The following MBNL1 variants were observed in gnomAD, a reference collection of about 807,000 sequenced individuals.
The protein encoded by MBNL1 is muscleblind-like protein 1.
MBNL1 carries 8 observed loss-of-function variants against 42.2 expected under a neutral mutation model. The observed-to-expected ratio is 0.19, with a 90% CI of 0.11 to 0.34. The LOEUF (loss-of-function observed/expected upper bound fraction) is 0.34. Among genes scored for constraint, MBNL1 ranks in the 10% least tolerant of loss-of-function variants. The pLI is 1.00. For missense variants in MBNL1, 309 were observed against 495.3 expected, an observed-to-expected ratio of 0.62 and a Z score of 3.57; for synonymous variants, 169 against 173.9, an observed-to-expected ratio of 0.97 and a Z score of 0.22.
chr3:152,329,397 G>C (rs2082572338), intron 2 of MBNL1, among the ~76,000 whole-genome samples: 1 of 151,870 alleles, frequency 6.6e-6, no homozygotes. Flanking sequence ...TGAGGCCAAG[G>C]CAGGAGATTT....
intron 2 of MBNL1, among the ~76,000 whole-genome samples, chr3:152,314,731 T>A (rs899840322): frequency 6.6e-6 from 1 of 152,206 alleles, no homozygotes; most frequent in Non-Finnish European, 1.5e-5. Context: ...ACTTTTAACA[T>A]CATTAGAAAT....
intron 4 of MBNL1, among the ~76,000 whole-genome samples, chr3:152,443,527 A>G (rs1425646553): frequency 8.2e-6 from 1 of 122,296 alleles, no homozygotes; most frequent in Non-Finnish European, 1.8e-5. Context: ...TCATTATTTA[A>G]TGTAGGCACA....
At chr3:152,375,429 T>G (rs1350297405) in intron 2 of MBNL1, among the ~76,000 whole-genome samples, 3 of 152,154 alleles carry the variant, frequency 2.0e-5, no homozygotes, top group Non-Finnish European at 2.9e-5. Flanking sequence ...TATAAGGTAC[T>G]TGTAAAAATA....
At chr3:152,272,039 T>TCTCTCTC (rs1559963665) in intron 1 of MBNL1, among the ~76,000 whole-genome samples, 10 of 147,708 alleles carry the variant, frequency 6.8e-5, no homozygotes, top group African/African-American at 2.5e-4. Context: ...CCTGTTTCTT[T>TCTCTCTC]TCTCTCTCTC....
intron 3 of MBNL1, among the ~76,000 whole-genome samples, chr3:152,419,705 G>C (rs1011270011): frequency 1.1e-4 from 17 of 151,786 alleles, no homozygotes; most frequent in African/African-American, 3.6e-4. Context: ...TTGTTTGTTT[G>C]TTTGTTTGTT....
In MBNL1 at chr3:152,377,493, T is replaced by C. The variant is rs182360615; in HGVS notation, c.175-37448T>C. Among the ~76,000 whole-genome samples, 14 of 152,296 alleles carry C rather than the reference T, an allele frequency of 9.2e-5. No homozygotes were observed. The East Asian group carries it at 2.5e-3, about 27-fold the overall frequency. On this transcript the variant is annotated intron_variant, in intron 2 of 9. Transcript: ENST00000324210. The stretch of plus-strand genomic sequence containing the variant: ...TGTATTATCTCTTATTTGGGGACAA[T>C]AAAAGGCCTATTGAATAGAATTTTA...
intron 2 of MBNL1, among the ~76,000 whole-genome samples, chr3:152,393,538 T>C (rs1381278353): frequency 6.6e-6 from 1 of 152,220 alleles, no homozygotes; most frequent in Admixed American, 6.5e-5. Context: ...TGAAATATGA[T>C]TCAGGTCTGA....
chr3:152,264,980 TGTG>T (rs1427006611), upstream of MBNL1: 1 of 152,044 alleles, frequency 6.6e-6, no homozygotes, highest in Non-Finnish European at 1.5e-5. Context: ...ACAAAGAAAT[TGTG>T]TTGTGTATGA....
intron 2 of MBNL1, among the ~76,000 whole-genome samples, chr3:152,387,310 A>G (rs1225043142): frequency 1.3e-5 from 2 of 151,634 alleles, no homozygotes; most frequent in South Asian, 4.2e-4. Flanking sequence ...CACCAAGTAC[A>G]AGACAGTATT....
rs71144111 is a variant in MBNL1 at position 152,311,001 on chromosome 3, C to CTTTTT, written c.174+10655_174+10659dup. Among the ~76,000 whole-genome samples, 36 of 77,532 alleles carry CTTTTT rather than the reference C, an allele frequency of 4.6e-4. 1 individual carries two copies. The highest frequency in any genetic ancestry group is 8.6e-4 in the African/African-American group (16 of 18,510). The allele number at this position is 77,532 out of a possible 152,430, so 50.9% of individuals were successfully genotyped here. ...TTTTCTAATGCACAGAACCATGAGA[C>CTTTTT]TTTTTTTTTTTTTTTTTTTTTTTTT... On this transcript the variant is annotated intron_variant, in intron 2 of 9. Transcript: ENST00000324210.
intron 1 of MBNL1, among the ~76,000 whole-genome samples, chr3:152,290,723 G>C (rs1461934576): frequency 5.3e-5 from 8 of 152,090 alleles, no homozygotes. Flanking sequence ...TGAAAACTAT[G>C]ATTTTGGCCC....
At chr3:152,371,671 G>T (rs2096667012) in intron 2 of MBNL1, among the ~76,000 whole-genome samples, 1 of 152,202 alleles carries the variant, frequency 6.6e-6, no homozygotes, top group Non-Finnish European at 1.5e-5. Context: ...GAAATCCACT[G>T]TTAGTCTGAT....
At chr3:152,288,982 A>G (rs1388539873) in intron 1 of MBNL1, among the ~76,000 whole-genome samples, 2 of 152,182 alleles carry the variant, frequency 1.3e-5, no homozygotes, top group Non-Finnish European at 2.9e-5. Context: ...ATGTTCCCAC[A>G]AGAGAAATTT....
chr3:152,312,779 A>G (rs945671109), intron 2 of MBNL1, among the ~76,000 whole-genome samples: 12 of 152,156 alleles, frequency 7.9e-5, no homozygotes, highest in African/African-American at 2.9e-4. Flanking sequence ...TACATTAGCT[A>G]TAGTGTAACT....
chr3:152,249,432 G>T (rs1420008899), intron 2 of MBNL1, among the ~76,000 whole-genome samples: 1 of 114,248 alleles, frequency 8.8e-6, no homozygotes, highest in Admixed American at 9.4e-5. Context: ...AGAAGTGTCT[G>T]TTCATATCCT....
At chr3:152,273,259 CAT>C (rs2042965622) in intron 1 of MBNL1, among the ~76,000 whole-genome samples, 1 of 152,148 alleles carries the variant, frequency 6.6e-6, no homozygotes, top group Non-Finnish European at 1.5e-5. Context: ...TGTCTCTAGA[CAT>C]ATTTTTTATT....
At chr3:152,363,617 A>G (rs2096153014) in intron 2 of MBNL1, among the ~76,000 whole-genome samples, 1 of 152,206 alleles carries the variant, frequency 6.6e-6, no homozygotes, top group South Asian at 2.1e-4. Context: ...TGCTGAGCGT[A>G]TGCCAGGCAT....
chr3:152,364,122 G>A (rs746334139), intron 2 of MBNL1, among the ~76,000 whole-genome samples: 3 of 151,960 alleles, frequency 2.0e-5, no homozygotes, highest in African/African-American at 7.2e-5. Context: ...ACTCCTGGAA[G>A]CTAGTTAGTT....
At chr3:152,383,882 T>C (rs560470240) in intron 2 of MBNL1, among the ~76,000 whole-genome samples, 1 of 152,196 alleles carries the variant, frequency 6.6e-6, no homozygotes, top group African/African-American at 2.4e-5. Flanking sequence ...CCCTGTTCTA[T>C]GTAATGGACA....
Sources: gnomAD v4.1 joint callset for allele counts (sites outside exome capture counted in the v4.1 genomes callset) on GRCh38, gnomAD v4.1.1 for gene constraint, MANE v1.5 for transcripts, NCBI Gene and HGNC (gene_info 2026-07-23, HGNC 2026-07-21) for gene names.